The following PTPRD variants were observed in gnomAD, a reference collection of about 807,000 sequenced individuals.
The protein encoded by PTPRD is protein tyrosine phosphatase receptor type D, also known as receptor-type tyrosine-protein phosphatase delta.
PTPRD carries 34 observed loss-of-function variants against 214.5 expected under a neutral mutation model. That is an observed-to-expected ratio of 0.16 (90% CI 0.12 to 0.21). The LOEUF (loss-of-function observed/expected upper bound fraction) is 0.21, where lower values mean the gene tolerates loss of function less well. Among genes scored for constraint, PTPRD ranks in the 10% least tolerant of loss-of-function variants. The pLI is 1.00. For missense variants in PTPRD, 2,545 were observed against 2,398.7 expected (o/e 1.06, Z -1.27); for synonymous variants, 1,128 against 845.7 (o/e 1.33, Z -5.79).
At chr9:9,064,420 A>G (rs547474164) in intron 10 of PTPRD, among the ~76,000 whole-genome samples, 31 of 152,214 alleles carry the variant, frequency 2.0e-4, no homozygotes, top group Admixed American at 9.2e-4. Context: ...TTGTCCCATG[A>G]TGTCTTTTCT....
rs1260135274 is a variant in PTPRD at position 10,049,410 on chromosome 9, AGAAAGAAAG to A, written c.-544-15629_-544-15621del. Among the ~76,000 whole-genome samples, 32 of 132,666 alleles carry A rather than the reference AGAAAGAAAG, an allele frequency of 2.4e-4. No individual in the cohort carries two copies. The South Asian group carries it at 2.7e-3, about 11-fold the overall frequency. 87.0% of individuals were successfully genotyped at this position (132,666 alleles called of 152,430 possible). ...CAGCTTCTCTGGTTAAAAAAAAAAA[AGAAAGAAAG>A]AAAGAAAGAAAGAAAGAAAAGAAAA... On this transcript the variant is annotated intron_variant, in intron 3 of 45. Coordinates refer to ENST00000381196, the MANE Select transcript of PTPRD (RefSeq NM_002839.4).
chr9:10,307,968 C>G (rs962285198), intron 3 of PTPRD, among the ~76,000 whole-genome samples: 1 of 151,838 alleles, frequency 6.6e-6, no homozygotes, highest in Non-Finnish European at 1.5e-5. Flanking sequence ...GATCTTAGTT[C>G]CTTACAGGAT....
intron 9 of PTPRD, among the ~76,000 whole-genome samples, chr9:9,354,627 T>C (rs1220981915): frequency 1.3e-5 from 2 of 151,726 alleles, no homozygotes; most frequent in Admixed American, 1.3e-4. Context: ...CGATAGATAA[T>C]ACACAACTAT....
At chr9:9,323,700 T>G (rs183542970) in intron 9 of PTPRD, among the ~76,000 whole-genome samples, 1 of 152,328 alleles carries the variant, frequency 6.6e-6, no homozygotes, top group Non-Finnish European at 1.5e-5. Flanking sequence ...CTCTTGTTTA[T>G]TTTTATTATA....
At position 9,088,177 on chromosome 9, in the gene PTPRD, C is replaced by T. The variant is rs934409976; in HGVS notation, c.-142-69442G>A. Among the ~76,000 whole-genome samples the T allele has an allele frequency of 5.3e-5, 8 of 151,764 alleles. No homozygotes were observed. The East Asian group carries it at 5.9e-4, about 11-fold the overall frequency. ...GATTACAGGCGTGAGCCACTGCACC[C>T]GGCCAGAGCCCTAAACTTTTGATTC... On this transcript the variant is annotated intron_variant, in intron 10 of 45. Coordinates refer to ENST00000381196, the MANE Select transcript of PTPRD (RefSeq NM_002839.4).
intron 3 of PTPRD, among the ~76,000 whole-genome samples, chr9:10,038,521 T>C (rs1467518870): frequency 5.3e-5 from 8 of 152,138 alleles, no homozygotes; most frequent in Non-Finnish European, 1.2e-4. Context: ...TGATATCTTA[T>C]GTAGTTACTC....
intron 3 of PTPRD, among the ~76,000 whole-genome samples, chr9:10,040,708 C>A (rs1395422157): frequency 6.6e-6 from 1 of 151,920 alleles, no homozygotes; most frequent in Admixed American, 6.6e-5. Context: ...AGAAAAGATT[C>A]TTTTAAAAAT....
intron 10 of PTPRD, among the ~76,000 whole-genome samples, chr9:9,064,037 G>T (rs1389118094): frequency 1.3e-5 from 2 of 152,076 alleles, no homozygotes; most frequent in South Asian, 2.1e-4. Context: ...TTTAGCAAAA[G>T]ATATCAGCTG....
intron 5 of PTPRD, among the ~76,000 whole-genome samples, chr9:9,933,383 A>C (rs1199482896): frequency 1.3e-5 from 2 of 151,842 alleles, no homozygotes; most frequent in African/African-American, 4.9e-5. Flanking sequence ...ATGGAGGAAG[A>C]TCTACCAAGC....
intron 12 of PTPRD, among the ~76,000 whole-genome samples, chr9:8,647,515 A>C (rs1015694359): frequency 6.6e-6 from 1 of 152,208 alleles, no homozygotes; most frequent in Non-Finnish European, 1.5e-5. Context: ...ATAAAGAGTA[A>C]AGATTACATT....
chr9:10,271,424 G>C (rs1360370425), intron 3 of PTPRD, among the ~76,000 whole-genome samples: 2 of 150,612 alleles, frequency 1.3e-5, no homozygotes, highest in Non-Finnish European at 3.0e-5. Flanking sequence ...ATGGTTCAAA[G>C]AACATTGAAC....
At chr9:10,394,569 G>A (rs1260410941) in intron 2 of PTPRD, among the ~76,000 whole-genome samples, 5 of 151,736 alleles carry the variant, frequency 3.3e-5, no homozygotes, top group Non-Finnish European at 7.4e-5. Context: ...ACCTTAGGAT[G>A]CAAATAAATT....
At chr9:9,678,366 C>T (rs1010930134) in intron 7 of PTPRD, among the ~76,000 whole-genome samples, 2 of 152,022 alleles carry the variant, frequency 1.3e-5, no homozygotes, top group Non-Finnish European at 2.9e-5. Flanking sequence ...GGTACCAAAA[C>T]AGAGATATAG....
chr9:9,722,932 A>G (rs548403782), intron 7 of PTPRD, among the ~76,000 whole-genome samples: 6 of 152,028 alleles, frequency 3.9e-5, no homozygotes, highest in Non-Finnish European at 8.8e-5. Flanking sequence ...TATATTTTAG[A>G]TGCTAATGTC....
intron 9 of PTPRD, among the ~76,000 whole-genome samples, chr9:9,296,328 G>A (rs567336282): frequency 6.6e-6 from 1 of 151,794 alleles, no homozygotes; most frequent in South Asian, 2.1e-4. Flanking sequence ...CCTAGGAAAT[G>A]GACATCATTA....
At chr9:10,006,797 A>T (rs2096486584) in intron 4 of PTPRD, among the ~76,000 whole-genome samples, 1 of 151,876 alleles carries the variant, frequency 6.6e-6, no homozygotes, top group South Asian at 2.1e-4. Flanking sequence ...TACAATCTAG[A>T]TATATTCTAT....
intron 9 of PTPRD, among the ~76,000 whole-genome samples, chr9:9,275,003 C>G (rs1944410532): frequency 7.9e-6 from 1 of 127,142 alleles, no homozygotes; most frequent in Non-Finnish European, 1.6e-5. Flanking sequence ...TTAACTCAAA[C>G]TTTCTTCAAA....
intron 7 of PTPRD, among the ~76,000 whole-genome samples, chr9:9,578,652 G>A (rs908020243): frequency 6.6e-6 from 1 of 152,072 alleles, no homozygotes; most frequent in Non-Finnish European, 1.5e-5. Flanking sequence ...AAATAGTACT[G>A]TAATAGGATT....
At chr9:8,656,964 TAAAGATG>T (rs1385954388) in intron 12 of PTPRD, among the ~76,000 whole-genome samples, 2 of 152,184 alleles carry the variant, frequency 1.3e-5, no homozygotes, top group Non-Finnish European at 2.9e-5. Flanking sequence ...TAGTAAGTTG[TAAAGATG>T]AAAGTTTATG....
Sources: gnomAD v4.1 joint callset for allele counts (sites outside exome capture counted in the v4.1 genomes callset) on GRCh38, gnomAD v4.1.1 for gene constraint, MANE v1.5 for transcripts, NCBI Gene and HGNC (gene_info 2026-07-23, HGNC 2026-07-21) for gene names.